The following ERBB4 variants were observed in gnomAD, a reference collection of about 807,000 sequenced individuals.
ERBB4 encodes the protein erb-b2 receptor tyrosine kinase 4.
ERBB4 carries 42 observed loss-of-function variants against 158.0 expected under a neutral mutation model. That is an observed-to-expected ratio of 0.27 (90% CI 0.21 to 0.34). ERBB4 has a LOEUF of 0.34. Ranked by LOEUF, ERBB4 falls within the 10% of genes least tolerant of loss-of-function variation. ERBB4 has a pLI of 1.00. For missense variants in ERBB4, 1,333 were observed against 1,624.1 expected, an observed-to-expected ratio of 0.82 and a Z score of 3.08; for synonymous variants, 583 against 558.7, an observed-to-expected ratio of 1.04 and a Z score of -0.61.
intron 2 of ERBB4, among the ~76,000 whole-genome samples, chr2:212,062,813 A>AT (rs1179136131): frequency 6.6e-6 from 1 of 152,124 alleles, no homozygotes; most frequent in African/African-American, 2.4e-5. Context: ...TAATGAACAC[A>AT]TTTTAAGAAG....
chr2:211,770,699 A>G (rs2075668780), intron 4 of ERBB4, among the ~76,000 whole-genome samples: 1 of 152,142 alleles, frequency 6.6e-6, no homozygotes, highest in African/African-American at 2.4e-5. Context: ...CTTCATTGGA[A>G]GCCAACAAGT....
intron 1 of ERBB4, among the ~76,000 whole-genome samples, chr2:212,219,683 T>TCA (rs200426396): frequency 1.6e-3 from 247 of 151,216 alleles, no homozygotes; most frequent in Middle Eastern, 6.8e-3. Flanking sequence ...GACAACTACA[T>TCA]CACACACACA....
chr2:211,951,288 GT>G (rs1460154352), intron 2 of ERBB4, among the ~76,000 whole-genome samples: 1 of 152,088 alleles, frequency 6.6e-6, no homozygotes, highest in African/African-American at 2.4e-5. Flanking sequence ...AAAAGAAGAA[GT>G]TTATTTGTAA....
intron 1 of ERBB4, among the ~76,000 whole-genome samples, chr2:212,396,100 G>T (rs191256420): frequency 4.1e-4 from 62 of 152,208 alleles, no homozygotes; most frequent in Non-Finnish European, 7.4e-4. Flanking sequence ...ATTTTTAAGC[G>T]TGTGCTCAAA....
chr2:211,909,141 T>C (rs558273786), intron 3 of ERBB4, among the ~76,000 whole-genome samples: 22 of 151,758 alleles, frequency 1.4e-4, no homozygotes, highest in South Asian at 2.1e-4. Flanking sequence ...TCAATGTCTT[T>C]ATAGTGTGAA....
chr2:212,526,211 A>G (rs935514362), intron 1 of ERBB4, among the ~76,000 whole-genome samples: 1 of 152,060 alleles, frequency 6.6e-6, no homozygotes, highest in Admixed American at 6.6e-5. Context: ...GGAGTGAAAT[A>G]GCATGTATCG....
At chr2:212,458,447 T>C (rs74915654) in intron 1 of ERBB4, among the ~76,000 whole-genome samples, 1,821 of 152,122 alleles carry the variant, frequency 0.012, 37 homozygotes, top group African/African-American at 0.042. Flanking sequence ...TAAAGAAAAC[T>C]GAGAAACCCA....
intron 3 of ERBB4, among the ~76,000 whole-genome samples, chr2:211,906,437 T>A (rs1265202171): frequency 6.6e-6 from 1 of 152,100 alleles, no homozygotes; most frequent in East Asian, 1.9e-4. Context: ...AATCAAGAGT[T>A]CCATTTTTGT....
chr2:212,002,723 A>G (rs1055449753), intron 2 of ERBB4, among the ~76,000 whole-genome samples: 1 of 152,144 alleles, frequency 6.6e-6, no homozygotes, highest in Non-Finnish European at 1.5e-5. Flanking sequence ...ATAAAGCAAT[A>G]TGAATTTGTT....
At chr2:212,499,931 T>C (rs1018893221) in intron 1 of ERBB4, among the ~76,000 whole-genome samples, 2 of 152,100 alleles carry the variant, frequency 1.3e-5, no homozygotes, top group Non-Finnish European at 2.9e-5. Flanking sequence ...GTCTCAGCCA[T>C]ATTTCATATG....
chr2:211,972,894 A>T (rs760087597), intron 2 of ERBB4, among the ~76,000 whole-genome samples: 1 of 152,192 alleles, frequency 6.6e-6, no homozygotes. Flanking sequence ...CTAAAGCAAA[A>T]CATTGCTAAA....
chr2:212,312,796 C>T (rs1005063730), intron 1 of ERBB4, among the ~76,000 whole-genome samples: 2 of 150,736 alleles, frequency 1.3e-5, no homozygotes, highest in East Asian at 3.9e-4. Context: ...GCTTCTCCTC[C>T]TCCTCTTCTT....
chr2:211,569,326 T>C (rs1400431467), intron 19 of ERBB4, among the ~76,000 whole-genome samples: 1 of 152,228 alleles, frequency 6.6e-6, no homozygotes, highest in Non-Finnish European at 1.5e-5. Flanking sequence ...TGATATTTTT[T>C]ATCCCGTTAG....
intron 20 of ERBB4, among the ~76,000 whole-genome samples, chr2:211,433,920 CACTT>C (rs890482108): frequency 8.5e-5 from 13 of 152,278 alleles, no homozygotes; most frequent in African/African-American, 2.9e-4. Context: ...CTGCTTCCAT[CACTT>C]ACAACACTCG....
chr2:211,988,868 C>T (rs1476695754), intron 2 of ERBB4, among the ~76,000 whole-genome samples: 1 of 152,020 alleles, frequency 6.6e-6, no homozygotes, highest in Non-Finnish European at 1.5e-5. Flanking sequence ...ATCTAAGTCT[C>T]TTTTGCTTAT....
chr2:212,428,852 T>A (rs549342564), intron 1 of ERBB4, among the ~76,000 whole-genome samples: 11 of 152,146 alleles, frequency 7.2e-5, no homozygotes, highest in African/African-American at 2.2e-4. Flanking sequence ...TCTGTAGGCA[T>A]AACAGATAGA....
At chr2:211,776,862 C>G (rs1298662309) in intron 4 of ERBB4, among the ~76,000 whole-genome samples, 3 of 152,072 alleles carry the variant, frequency 2.0e-5, no homozygotes, top group African/African-American at 4.8e-5. Context: ...TTTAGTTACT[C>G]TATTTATTAT....
At chr2:211,724,991 T>G in intron 6 of ERBB4, 85 bp downstream of exon 6, 1 of 1,046,594 alleles carries the variant, frequency 9.6e-7, no homozygotes, top group Non-Finnish European at 1.5e-6. Context: ...GATCTGATTG[T>G]AATAAGACAA....
At chr2:211,903,872 A>G (rs2079304294) in intron 3 of ERBB4, among the ~76,000 whole-genome samples, 1 of 152,070 alleles carries the variant, frequency 6.6e-6, no homozygotes. Flanking sequence ...AAGAAAAGAA[A>G]CACAACTGCT....
Sources: allele counts gnomAD v4.1 joint callset (sites outside exome capture counted in the v4.1 genomes callset), GRCh38; gene constraint gnomAD v4.1.1; transcripts MANE v1.5; gene names NCBI Gene and HGNC (gene_info 2026-07-23, HGNC 2026-07-21).